Variants in ARID5B observed in about 807,000 individuals in gnomAD.
ARID5B encodes the protein AT-rich interaction domain 5B.
ARID5B carries 13 observed loss-of-function variants against 97.2 expected under a neutral mutation model. That is an observed-to-expected ratio of 0.13 (90% confidence interval 0.09 to 0.21). The LOEUF is 0.21. Ranked by LOEUF, ARID5B falls within the 10% of genes least tolerant of loss-of-function variation. The pLI, the probability that ARID5B is intolerant of heterozygous loss-of-function variation, is 1.00. For synonymous variants in ARID5B, 556 were observed against 570.3 expected (o/e 0.97, Z 0.36); for missense variants, 1,210 against 1,465.3 (o/e 0.83, Z 2.84).
intron 8 of ARID5B, among the ~76,000 whole-genome samples, chr10:62,083,871 T>TAA (rs1840248248): frequency 6.6e-6 from 1 of 152,236 alleles, no homozygotes; most frequent in Non-Finnish European, 1.5e-5. Context: ...TGTTGGGGAC[T>TAA]TTACAGATGA....
At chr10:61,931,370 A>T (rs1844206893) in intron 2 of ARID5B, among the ~76,000 whole-genome samples, 1 of 152,260 alleles carries the variant, frequency 6.6e-6, no homozygotes, top group Non-Finnish European at 1.5e-5. Flanking sequence ...AACAGATCAT[A>T]TTTCTAAAAG....
chr10:62,070,499 G>A (rs1425330475), intron 8 of ARID5B, among the ~76,000 whole-genome samples: 1 of 152,108 alleles, frequency 6.6e-6, no homozygotes, highest in African/African-American at 2.4e-5. Context: ...ATTTGTTTAG[G>A]TCATTACCAA....
At chr10:62,075,150 G>A (rs1374608300) in intron 8 of ARID5B, among the ~76,000 whole-genome samples, 1 of 152,226 alleles carries the variant, frequency 6.6e-6, no homozygotes, top group African/African-American at 2.4e-5. Flanking sequence ...CGGCTGGAAA[G>A]TGTGAAACTG....
chr10:61,963,266 G>A (rs1055881651), intron 3 of ARID5B, among the ~76,000 whole-genome samples: 7 of 152,084 alleles, frequency 4.6e-5, no homozygotes, highest in African/African-American at 1.7e-4. Context: ...ACAGTGAAAG[G>A]CCCTGTTCCT....
rs190580076 is a variant in ARID5B, at chr10:62,081,312, A to G, written c.1200-4390A>G. Among the ~76,000 whole-genome samples the G allele has an allele frequency of 3.4e-3, 525 of 152,344 alleles. 4 individuals carry two copies. Among genetic ancestry groups the G allele is most frequent in the African/African-American group, 0.012 (489 of 41,572 alleles). ...TTCTTGCCCCCACTCTCTGGATTCA[A>G]TCAGTTCCAGACATTATTGTAATAC... is the stretch of plus-strand genomic sequence containing the variant. On this transcript the variant is annotated intron_variant, in intron 8 of 9. Coordinates refer to ENST00000279873, the MANE Select transcript of ARID5B (RefSeq NM_032199.3).
Position 61,940,268 on chromosome 10 carries a change from G to T in ARID5B, c.362G>T (p.Arg121Ile). 1 of 1,614,210 alleles carries T rather than the reference G, an allele frequency of 6.2e-7. No homozygotes were observed. Among genetic ancestry groups the T allele is most frequent in the Non-Finnish European group, 8.5e-7 (1 of 1,180,020 alleles). The change falls in exon 3 of 10, where the codon AGA (arginine) becomes ATA (isoleucine). Residue 121 changes from arginine to isoleucine, a missense_variant. Arg to Ile is a moderately conservative substitution (Grantham distance 97). Coordinates refer to ENST00000279873, the MANE Select transcript of ARID5B (RefSeq NM_032199.3). The stretch of plus-strand genomic sequence containing the variant: ...GTACATTCTGATTTCTCCAAGTGGA[G>T]ATGTGGCTTCCACGCTGGACCAGTG... ...KWVHSDFSKW[R>I]CGFHAGPVKT...
At chr10:61,925,248 T>A (rs943753971) in intron 2 of ARID5B, among the ~76,000 whole-genome samples, 1 of 151,998 alleles carries the variant, frequency 6.6e-6, no homozygotes, top group African/African-American at 2.4e-5. Context: ...GTTAAAGTAA[T>A]GGTCGAGTCA....
At chr10:61,966,586 C>T (rs528311544) in intron 3 of ARID5B, among the ~76,000 whole-genome samples, 130 of 152,132 alleles carry the variant, frequency 8.5e-4, no homozygotes, top group African/African-American at 2.9e-3. Context: ...GGACCAAATA[C>T]CCTGGCTTTA....
intron 2 of ARID5B, among the ~76,000 whole-genome samples, chr10:61,925,895 G>C (rs1181489838): frequency 6.6e-6 from 1 of 152,184 alleles, no homozygotes; most frequent in Non-Finnish European, 1.5e-5. Context: ...GCGTGCCTCA[G>C]AGCAATCTTC....
chr10:61,949,191 C>T (rs1047645869), intron 3 of ARID5B, among the ~76,000 whole-genome samples: 1 of 152,162 alleles, frequency 6.6e-6, no homozygotes, highest in Non-Finnish European at 1.5e-5. Flanking sequence ...CTATTCCAAC[C>T]AAATAATATA....
intron 3 of ARID5B, among the ~76,000 whole-genome samples, chr10:61,972,206 T>A (rs1000442042): frequency 1.3e-5 from 2 of 150,356 alleles, no homozygotes; most frequent in Non-Finnish European, 2.9e-5. Flanking sequence ...TTATACTGTA[T>A]CTCTAGTCTT....
At chr10:61,907,801 T>A (rs1216840814) in intron 2 of ARID5B, among the ~76,000 whole-genome samples, 1 of 152,278 alleles carries the variant, frequency 6.6e-6, no homozygotes, top group African/African-American at 2.4e-5. Context: ...GCCATGCTAA[T>A]TTGTTTATGG....
intron 2 of ARID5B, among the ~76,000 whole-genome samples, chr10:61,927,968 C>T (rs2132779581): frequency 6.6e-6 from 1 of 152,274 alleles, no homozygotes; most frequent in Non-Finnish European, 1.5e-5. Flanking sequence ...AGGCCCTGGG[C>T]ACTGTGGTTT....
chr10:61,951,630 A>G (rs1372583792), intron 3 of ARID5B, among the ~76,000 whole-genome samples: 1 of 152,144 alleles, frequency 6.6e-6, no homozygotes, highest in Non-Finnish European at 1.5e-5. Flanking sequence ...TACCAATGTT[A>G]TCCATGTTTG....
intron 2 of ARID5B, among the ~76,000 whole-genome samples, chr10:61,935,398 G>A (rs1235669000): frequency 6.6e-6 from 1 of 152,068 alleles, no homozygotes; most frequent in East Asian, 1.9e-4. Context: ...ATAAGCTATC[G>A]ATACAAGCAG....
rs191807957 is a variant in ARID5B, at chr10:62,074,946, G to C, written c.1199+5149G>C. On this transcript the variant is annotated intron_variant, in intron 8 of 9. Coordinates refer to ENST00000279873, the MANE Select transcript of ARID5B (RefSeq NM_032199.3). ...AATAAAAACTTGGGGCTTGTGTTTT[G>C]TATGCCTCCTTTTGAATTCCATTTT... 1.8e-3 allele frequency among the ~76,000 whole-genome samples: 281 copies of C among 152,320 alleles called. 3 individuals carry two copies. The highest frequency in any genetic ancestry group is 6.6e-3 in the African/African-American group (276 of 41,572).
chr10:61,933,528 G>A (rs192256796), intron 2 of ARID5B, among the ~76,000 whole-genome samples: 10 of 152,248 alleles, frequency 6.6e-5, no homozygotes, highest in African/African-American at 1.2e-4. Flanking sequence ...AATGATACTC[G>A]TAAGTCAAAG....
intron 8 of ARID5B, among the ~76,000 whole-genome samples, chr10:62,076,518 C>T (rs562494023): frequency 2.2e-4 from 33 of 146,788 alleles, no homozygotes; most frequent in African/African-American, 7.5e-4. Flanking sequence ...GCCGAGATCA[C>T]GCCACCGCAC....
intron 3 of ARID5B, among the ~76,000 whole-genome samples, chr10:61,948,592 T>A (rs1357118301): frequency 6.6e-6 from 1 of 152,114 alleles, no homozygotes; most frequent in Non-Finnish European, 1.5e-5. Flanking sequence ...GGCCTCGATC[T>A]CCTGACCTCG....
Sources: gnomAD v4.1 joint callset for allele counts (sites outside exome capture counted in the v4.1 genomes callset) on GRCh38, gnomAD v4.1.1 for gene constraint, MANE v1.5 for transcripts, NCBI Gene and HGNC (gene_info 2026-07-23, HGNC 2026-07-21) for gene names.